The following IMPG2 variants were observed in gnomAD, a reference collection of about 807,000 sequenced individuals.
The protein encoded by IMPG2 is interphotoreceptor matrix proteoglycan 2.
Under a neutral mutation model 129.2 loss-of-function variants are expected in IMPG2, and 91 were observed. That is an observed-to-expected ratio of 0.70 (90% CI 0.59 to 0.84). The LOEUF is 0.84. Among genes scored for constraint, IMPG2 ranks in the 40% least tolerant of loss-of-function variants. The pLI is 0.00. For missense variants in IMPG2, 1,430 were observed against 1,461.7 expected (o/e 0.98, Z 0.35); for synonymous variants, 510 against 517.7 (o/e 0.99, Z 0.20).
In IMPG2 at chr3:101,256,217, G is replaced by GAAAA. The variant is rs140955011; in HGVS notation, c.1153+1308_1153+1311dup. 2.5e-4 allele frequency among the ~76,000 whole-genome samples: 35 copies of GAAAA among 138,268 alleles called. 1 individual carries two copies. Among genetic ancestry groups the GAAAA allele is most frequent in the African/African-American group, 8.5e-4 (31 of 36,498 alleles). 90.7% of individuals were successfully genotyped at this position (138,268 alleles called of 152,430 possible). A position where few individuals can be genotyped will look rare whatever the true frequency, so the allele number is the denominator to read the frequency against. ...AGAAAGAAAGAAAGAAAGAAAGAAA[G>GAAAA]AAAAAAATATCTTATTTGGGAAATA... On this transcript the variant is annotated intron_variant, in intron 10 of 18. Transcript: ENST00000193391.
chr3:101,240,808 T>A (rs956358169), intron 14 of IMPG2, among the ~76,000 whole-genome samples: 2 of 152,230 alleles, frequency 1.3e-5, no homozygotes, highest in South Asian at 4.1e-4. Context: ...GAGTAATGAT[T>A]CTTAAAGATT....
At chr3:101,286,701 A>G (rs1190987627) in intron 4 of IMPG2, among the ~76,000 whole-genome samples, 1 of 152,160 alleles carries the variant, frequency 6.6e-6, no homozygotes, top group Non-Finnish European at 1.5e-5. Flanking sequence ...ATGATGGAAA[A>G]CCTTCTCTTC....
chr3:101,267,420 T>A, intron 9 of IMPG2, 91 bp downstream of exon 9: 1 of 1,079,074 alleles, frequency 9.3e-7, no homozygotes, highest in African/African-American at 1.5e-5. Flanking sequence ...TGATATAATA[T>A]TTGAGTTATG....
intron 2 of IMPG2, among the ~76,000 whole-genome samples, chr3:101,313,329 C>T (rs1426950680): frequency 6.6e-6 from 1 of 152,088 alleles, no homozygotes; most frequent in Non-Finnish European, 1.5e-5. Flanking sequence ...ATCAGCATGA[C>T]CTCCAGGCAA....
At chr3:101,232,557 A>AT (rs921239325) in intron 15 of IMPG2, among the ~76,000 whole-genome samples, 50 of 149,066 alleles carry the variant, frequency 3.4e-4, no homozygotes, top group South Asian at 6.4e-4. Flanking sequence ...TATTTAGACA[A>AT]TTTTTTTTTT....
At chr3:101,288,185 A>C (rs1319283243) in intron 4 of IMPG2, among the ~76,000 whole-genome samples, 2 of 152,170 alleles carry the variant, frequency 1.3e-5, no homozygotes, top group Non-Finnish European at 2.9e-5. Context: ...ACAATGAAAT[A>C]CCATCTCACA....
intron 11 of IMPG2, among the ~76,000 whole-genome samples, chr3:101,247,495 G>T (rs1402081167): frequency 6.6e-6 from 1 of 152,214 alleles, no homozygotes; most frequent in African/African-American, 2.4e-5. Context: ...TACTTGGGAG[G>T]CTGAGGCAGG....
At chr3:101,280,825 T>C (rs10936562) in intron 4 of IMPG2, among the ~76,000 whole-genome samples, 27,291 of 151,954 alleles carry the variant, frequency 0.18, 2,814 homozygotes, top group East Asian at 0.31. Context: ...GGCACATGCC[T>C]GTAATCCCAG....
chr3:101,312,997 T>C (rs1304902913), intron 2 of IMPG2, among the ~76,000 whole-genome samples: 3 of 152,078 alleles, frequency 2.0e-5, no homozygotes, highest in African/African-American at 4.8e-5. Context: ...TTTGAGGTGA[T>C]AAAAATGTTC....
chr3:101,318,307 A>T (rs778744243), intron 2 of IMPG2, among the ~76,000 whole-genome samples: 5 of 152,022 alleles, frequency 3.3e-5, no homozygotes, highest in Middle Eastern at 3.4e-3. Context: ...CATTTCTGGC[A>T]TATGGCCTAT....
At position 101,319,822 on chromosome 3, in the gene IMPG2, G is replaced by A; in HGVS notation, c.96C>T (p.Tyr32=). The A allele has an allele frequency of 1.2e-6, 2 of 1,611,768 alleles. No homozygotes were observed. The highest frequency in any genetic ancestry group is 1.7e-6 in the Non-Finnish European group (2 of 1,179,490). The change falls in exon 2 of 19, where the codon TAC becomes TAT. Residue 32 remains tyrosine, a synonymous_variant. Coordinates refer to ENST00000193391, the MANE Select transcript of IMPG2 (RefSeq NM_016247.4). ...GTTCTTGGATCTCCTCTATAGATAA[G>A]TAGGTTTGTGCTACAGAGTGAAAGT... The part of the protein sequence containing the change: ...GDFPSLTAQT[Y]LSIEEIQEPK...
At chr3:101,307,070 A>G (rs945872154) in intron 2 of IMPG2, among the ~76,000 whole-genome samples, 21 of 152,232 alleles carry the variant, frequency 1.4e-4, no homozygotes, top group Non-Finnish European at 1.9e-4. Context: ...TAATTTTTAC[A>G]ATAGGTAAAA....
chr3:101,270,086 C>T (rs1295205737), intron 7 of IMPG2, among the ~76,000 whole-genome samples: 1 of 151,606 alleles, frequency 6.6e-6, no homozygotes, highest in Non-Finnish European at 1.5e-5. Flanking sequence ...TACAGGTGTG[C>T]GCCACCATGC....
chr3:101,273,403 G>T (rs1193968052), intron 7 of IMPG2, among the ~76,000 whole-genome samples, 178 bp downstream of exon 7: 1 of 152,156 alleles, frequency 6.6e-6, no homozygotes, highest in Non-Finnish European at 1.5e-5. Flanking sequence ...TTCTGTGAAA[G>T]AATTCATCTG....
At chr3:101,237,142 C>T (rs1706356062) in intron 14 of IMPG2, among the ~76,000 whole-genome samples, 1 of 152,196 alleles carries the variant, frequency 6.6e-6, no homozygotes, top group Non-Finnish European at 1.5e-5. Context: ...TTAGCAAAGC[C>T]TCTGTAGCCA....
At position 101,228,778 on chromosome 3, in the gene IMPG2, G is replaced by A; in HGVS notation, c.3713+19C>T. ...GTTAAGTCTGTAGGTCGGGGTGGGG[G>A]GCTGTTTCAAAAGCTTACACTTGTT... is the stretch of plus-strand genomic sequence containing the variant. On this transcript the variant is annotated intron_variant, in intron 18 of 18. Coordinates refer to ENST00000193391, the MANE Select transcript of IMPG2 (RefSeq NM_016247.4). The A allele has an allele frequency of 6.3e-7, 1 of 1,598,272 alleles. No homozygotes were observed. The highest frequency in any genetic ancestry group is 8.6e-7 in the Non-Finnish European group (1 of 1,165,674).
intron 4 of IMPG2, among the ~76,000 whole-genome samples, chr3:101,279,532 G>A (rs1706871769): frequency 6.6e-6 from 1 of 152,148 alleles, no homozygotes. Flanking sequence ...AGTGTGTAAG[G>A]TCCCAGAAAG....
intron 4 of IMPG2, among the ~76,000 whole-genome samples, chr3:101,281,608 C>T (rs562733069): frequency 6.6e-6 from 1 of 152,258 alleles, no homozygotes; most frequent in South Asian, 2.1e-4. Flanking sequence ...AGAATACTAG[C>T]CTCCCAAAGA....
Position 101,246,164 on chromosome 3 carries a change from T to G in IMPG2, c.1240-59A>C, listed in dbSNP as rs1195829797. ...ATAAAAGAAACATATAAAAAGTGATTTTAAATACCACCTATCTGTCTATAT... is the reference window on the plus strand; with the variant it reads ...ATAAAAGAAACATATAAAAAGTGATGTTAAATACCACCTATCTGTCTATAT... On this transcript the variant is annotated intron_variant, in intron 11 of 18. Transcript: ENST00000193391. 41 of 1,516,458 alleles carry G rather than the reference T, an allele frequency of 2.7e-5. No individual in the cohort carries two copies. In the Admixed American group the frequency reaches 7.1e-4, roughly 26 times the overall value. The allele number at this position is 1,516,458 out of a possible 1,614,324, so 93.9% of individuals were successfully genotyped here. A position where few individuals can be genotyped will look rare whatever the true frequency, so the allele number is the denominator to read the frequency against.
Sources: gnomAD v4.1 joint callset for allele counts (sites outside exome capture counted in the v4.1 genomes callset) on GRCh38, gnomAD v4.1.1 for gene constraint, MANE v1.5 for transcripts, NCBI Gene and HGNC (gene_info 2026-07-23, HGNC 2026-07-21) for gene names.